The following XYLT1 variants were observed in gnomAD, a reference collection of about 807,000 sequenced individuals.
XYLT1 encodes the protein xylosyltransferase 1, also known as beta-D-xylosyltransferase 1.
Under a neutral mutation model 91.3 loss-of-function variants are expected in XYLT1, and 36 were observed. The ratio of observed to expected loss-of-function variants is 0.39; its 90% CI spans 0.30 to 0.52. The LOEUF (loss-of-function observed/expected upper bound fraction) is 0.52. Among genes scored for constraint, XYLT1 ranks in the 20% least tolerant of loss-of-function variants. XYLT1 has a pLI of 0.68. For missense variants in XYLT1, 1,242 were observed against 1,284.5 expected (o/e 0.97, Z 0.51); for synonymous variants, 588 against 532.0 (o/e 1.11, Z -1.45).
intron 1 of XYLT1, among the ~76,000 whole-genome samples, chr16:17,420,553 G>C (rs753723095): frequency 9.7e-4 from 148 of 152,126 alleles, no homozygotes; most frequent in African/African-American, 3.2e-3. Context: ...GCTATCCAAG[G>C]CTTCTTCTAT....
intron 5 of XYLT1, among the ~76,000 whole-genome samples, chr16:17,175,972 G>A (rs1320034346): frequency 1.3e-5 from 2 of 151,886 alleles, no homozygotes; most frequent in Non-Finnish European, 2.9e-5. Flanking sequence ...ATTAAGTAAA[G>A]ACAAAACCCC....
At chr16:17,441,398 G>A (rs1346986907) in intron 1 of XYLT1, among the ~76,000 whole-genome samples, 1 of 151,924 alleles carries the variant, frequency 6.6e-6, no homozygotes, top group Admixed American at 6.6e-5. Context: ...CTAAAAAAAA[G>A]GAAATTTCCG....
intron 1 of XYLT1, among the ~76,000 whole-genome samples, chr16:17,431,697 G>A (rs1262867334): frequency 2.6e-5 from 4 of 152,338 alleles, no homozygotes; most frequent in East Asian, 1.9e-4. Context: ...GACATATAGC[G>A]ATCAATGCAG....
intron 2 of XYLT1, among the ~76,000 whole-genome samples, chr16:17,290,927 T>C (rs1328374101): frequency 6.6e-6 from 1 of 152,086 alleles, no homozygotes; most frequent in Non-Finnish European, 1.5e-5. Flanking sequence ...CACCTGACAA[T>C]TGTCTTATTT....
chr16:17,283,369 G>A (rs1022904735), intron 2 of XYLT1, among the ~76,000 whole-genome samples: 10 of 152,176 alleles, frequency 6.6e-5, no homozygotes, highest in African/African-American at 2.4e-4. Context: ...AGGGAAGCTG[G>A]CCAGCCGTCT....
At chr16:17,399,664 A>G (rs1486647982) in intron 1 of XYLT1, among the ~76,000 whole-genome samples, 4 of 152,210 alleles carry the variant, frequency 2.6e-5, no homozygotes, top group Admixed American at 2.6e-4. Context: ...GTTTAAAGAT[A>G]CGCCAATTCA....
chr16:17,215,953 T>TG (rs1395809667), intron 3 of XYLT1, among the ~76,000 whole-genome samples: 1 of 151,518 alleles, frequency 6.6e-6, no homozygotes, highest in Non-Finnish European at 1.5e-5. Flanking sequence ...GGTTGAGGAG[T>TG]GGGTGGCAGG....
At chr16:17,248,952 C>T (rs1341559653) in intron 3 of XYLT1, among the ~76,000 whole-genome samples, 1 of 151,860 alleles carries the variant, frequency 6.6e-6, no homozygotes, top group Non-Finnish European at 1.5e-5. Flanking sequence ...GTATCAAACT[C>T]CTGACCTCAA....
chr16:17,458,321 A>G (rs578142636), intron 1 of XYLT1, among the ~76,000 whole-genome samples: 3 of 152,196 alleles, frequency 2.0e-5, no homozygotes, highest in Non-Finnish European at 4.4e-5. Flanking sequence ...CCCATTCATC[A>G]TGCTAATTTC....
At chr16:17,298,779 G>A (rs1256570571) in intron 2 of XYLT1, among the ~76,000 whole-genome samples, 4 of 152,066 alleles carry the variant, frequency 2.6e-5, no homozygotes, top group Admixed American at 2.6e-4. Context: ...TGCACTTGCT[G>A]TTCTCCAGGC....
At chr16:17,172,395 C>G (rs1006298341) in intron 5 of XYLT1, among the ~76,000 whole-genome samples, 1 of 150,844 alleles carries the variant, frequency 6.6e-6, no homozygotes, top group African/African-American at 2.4e-5. Context: ...TTTCCCAGTT[C>G]TTCAGCAATT....
intron 1 of XYLT1, among the ~76,000 whole-genome samples, chr16:17,421,719 A>G (rs2036253453): frequency 6.6e-6 from 1 of 152,236 alleles, no homozygotes; most frequent in Non-Finnish European, 1.5e-5. Context: ...CATGGAGCCG[A>G]GACAAACCTC....
chr16:17,262,401 T>C (rs16968651), intron 2 of XYLT1, among the ~76,000 whole-genome samples: 16,321 of 152,144 alleles, frequency 0.11, 2,232 homozygotes, highest in African/African-American at 0.31. Flanking sequence ...GATTCTAAAA[T>C]CTGCTATTGT....
intron 3 of XYLT1, among the ~76,000 whole-genome samples, chr16:17,255,200 T>C (rs1275950090): frequency 6.6e-6 from 1 of 152,098 alleles, no homozygotes; most frequent in Non-Finnish European, 1.5e-5. Context: ...GGTTTCGCCA[T>C]GTTGGCCAGG....
At chr16:17,459,210 A>T (rs772231059) in intron 1 of XYLT1, among the ~76,000 whole-genome samples, 1 of 152,142 alleles carries the variant, frequency 6.6e-6, no homozygotes, top group South Asian at 2.1e-4. Context: ...CACCTCTTCA[A>T]AAAATACAAA....
At chr16:17,160,427 T>C (rs1184415726) in intron 5 of XYLT1, among the ~76,000 whole-genome samples, 2 of 152,180 alleles carry the variant, frequency 1.3e-5, no homozygotes, top group East Asian at 1.9e-4. Flanking sequence ...TGTTCTCTCA[T>C]TGGATGACTC....
chr16:17,399,886 C>T lies in XYLT1; in HGVS notation c.364-41836G>A, dbSNP rs1279030424. 2.6e-5 allele frequency among the ~76,000 whole-genome samples: 4 copies of T among 152,270 alleles called. No individual in the cohort carries two copies. In the East Asian group the frequency reaches 5.8e-4, roughly 22 times the overall value. On this transcript the variant is annotated intron_variant, in intron 1 of 11. Coordinates refer to ENST00000261381, the MANE Select transcript of XYLT1 (RefSeq NM_022166.4). ...TTTTTTTACTTCTCAGGTCAACATCCTCCAGCTCTGTTATAATAAAGTACA... is the reference window on the plus strand; with the variant it reads ...TTTTTTTACTTCTCAGGTCAACATCTTCCAGCTCTGTTATAATAAAGTACA...
rs1286319646 is a variant in XYLT1, at chr16:17,106,074, G to C, written c.*2621C>G. 6.6e-6 allele frequency: 1 copy of C among 152,204 alleles called. No homozygotes were observed. Among genetic ancestry groups the C allele is most frequent in the East Asian group, 1.9e-4 (1 of 5,200 alleles). The allele number at this position is 152,204 out of a possible 1,614,324, so 9.4% of individuals were successfully genotyped here. A position where few individuals can be genotyped will look rare whatever the true frequency, so the allele number is the denominator to read the frequency against. On this transcript the variant is annotated 3_prime_UTR_variant, in exon 12 of 12. Transcript: ENST00000261381. Reference sequence around the variant, plus strand: ...GTGGTGAGGAAGAAATGAAGCCATGGGAAAAAGGGAAGGGTCCCCAGAGTC... The same window carrying C: ...GTGGTGAGGAAGAAATGAAGCCATGCGAAAAAGGGAAGGGTCCCCAGAGTC...
rs747626715 is a variant in XYLT1, at chr16:17,141,406, C to T, written c.1371-37G>A. ...AAAGCTGCCCTTAGCCCAGAGGTGT[C>T]CTGAAAGACAGAACTCCAGCCAGAG... On this transcript the variant is annotated intron_variant, in intron 6 of 11. Transcript: ENST00000261381. 5.7e-6 allele frequency: 9 copies of T among 1,589,960 alleles called. No homozygotes were observed. In the South Asian group the frequency reaches 7.8e-5, roughly 14 times the overall value.
Sources: allele counts gnomAD v4.1 joint callset (sites outside exome capture counted in the v4.1 genomes callset), GRCh38; gene constraint gnomAD v4.1.1; transcripts MANE v1.5; gene names NCBI Gene and HGNC (gene_info 2026-07-23, HGNC 2026-07-21).